Variants in LRRC4C observed in about 807,000 individuals in gnomAD.
The protein encoded by LRRC4C is leucine rich repeat containing 4C, also known as leucine-rich repeat-containing protein 4C.
Under a neutral mutation model 33.6 loss-of-function variants are expected in LRRC4C, and 5 were observed. The observed-to-expected ratio is 0.15, with a 90% CI of 0.08 to 0.31. The LOEUF (loss-of-function observed/expected upper bound fraction) is 0.31. LRRC4C is among the 10% of genes least tolerant of loss of function. The pLI is 1.00. For synonymous variants in LRRC4C, 329 were observed against 302.0 expected (o/e 1.09, Z -0.93); for missense variants, 560 against 796.7 (o/e 0.70, Z 3.58).
At chr11:40,961,098 G>A (rs1436052283) in intron 1 of LRRC4C, among the ~76,000 whole-genome samples, 1 of 151,622 alleles carries the variant, frequency 6.6e-6, no homozygotes, top group South Asian at 2.1e-4. Flanking sequence ...AAGATGGAAG[G>A]GTGGAAAGGT....
At chr11:41,208,600 C>T (rs184664408) in intron 1 of LRRC4C, among the ~76,000 whole-genome samples, 36 of 152,268 alleles carry the variant, frequency 2.4e-4, no homozygotes, top group Admixed American at 2.0e-3. Flanking sequence ...GGAGTAGAAA[C>T]AATGCAACAG....
At chr11:40,153,873 G>A (rs1217659283) in intron 5 of LRRC4C, among the ~76,000 whole-genome samples, 4 of 151,936 alleles carry the variant, frequency 2.6e-5, no homozygotes, top group South Asian at 2.1e-4. Context: ...AACATATTTG[G>A]GGAAAACTTC....
At chr11:41,085,928 C>CAAA (rs10717008) in intron 1 of LRRC4C, among the ~76,000 whole-genome samples, 622 of 79,604 alleles carry the variant, frequency 7.8e-3, no homozygotes, top group Middle Eastern at 0.018. Flanking sequence ...TTTAAGACAC[C>CAAA]AAAAAAAAAA....
intron 1 of LRRC4C, among the ~76,000 whole-genome samples, chr11:41,005,659 T>C (rs147157256): frequency 0.013 from 1,967 of 152,164 alleles, 19 homozygotes; most frequent in Non-Finnish European, 0.019. Context: ...CTCTCTGTCT[T>C]GCTCTCTCTC....
intron 2 of LRRC4C, among the ~76,000 whole-genome samples, chr11:40,696,829 G>GC (rs1322537584): frequency 6.9e-6 from 1 of 144,610 alleles, no homozygotes; most frequent in East Asian, 2.0e-4. Context: ...TTTGCAACAA[G>GC]CAGTCTAAGA....
chr11:40,934,007 G>T (rs1275062668), intron 1 of LRRC4C, among the ~76,000 whole-genome samples: 4 of 152,122 alleles, frequency 2.6e-5, no homozygotes, highest in Non-Finnish European at 4.4e-5. Flanking sequence ...GGACTGTTGA[G>T]TAAGATTTTT....
intron 1 of LRRC4C, among the ~76,000 whole-genome samples, chr11:40,949,222 T>C (rs1320412966): frequency 6.6e-6 from 1 of 152,186 alleles, no homozygotes; most frequent in Non-Finnish European, 1.5e-5. Flanking sequence ...GTTGTTTGTT[T>C]TTTTCTTGTA....
intron 3 of LRRC4C, among the ~76,000 whole-genome samples, chr11:40,366,550 G>A (rs773455541): frequency 1.5e-4 from 23 of 151,844 alleles, no homozygotes; most frequent in Non-Finnish European, 2.9e-5. Flanking sequence ...AAATAGAAAA[G>A]CCTTACATGA....
chr11:40,792,246 C>CA (rs1950654285), intron 2 of LRRC4C, among the ~76,000 whole-genome samples: 1 of 150,248 alleles, frequency 6.7e-6, no homozygotes, highest in African/African-American at 2.5e-5. Flanking sequence ...ATGACGCTTC[C>CA]AAGGAGTAAA....
At chr11:40,538,229 T>A (rs886241928) in intron 3 of LRRC4C, among the ~76,000 whole-genome samples, 7 of 152,056 alleles carry the variant, frequency 4.6e-5, no homozygotes, top group African/African-American at 7.2e-5. Context: ...CTCTGAGTAA[T>A]TCTTTAAGCA....
chr11:40,247,898 G>T (rs140967208), intron 4 of LRRC4C, among the ~76,000 whole-genome samples: 3 of 152,308 alleles, frequency 2.0e-5, no homozygotes, highest in African/African-American at 7.2e-5. Context: ...AGTCTGGAAA[G>T]CTTCCTCTCC....
rs148308760 is a variant in LRRC4C at position 40,678,325 on chromosome 11, C to G, written c.-406-30047G>C. The stretch of plus-strand genomic sequence containing the variant: ...TCCCCCATCTAATAGTCCCCAGTGT[C>G]CATTTAATCCATCTTCATTTCCATG... On this transcript the variant is annotated intron_variant, in intron 2 of 6. Transcript: ENST00000528697. Among the ~76,000 whole-genome samples, 538 of 152,094 alleles carry G rather than the reference C, an allele frequency of 3.5e-3. 5 individuals are homozygous for G. Among genetic ancestry groups the G allele is most frequent in the African/African-American group, 0.013 (520 of 41,492 alleles).
At chr11:40,587,715 C>G (rs2135707712) in intron 3 of LRRC4C, among the ~76,000 whole-genome samples, 1 of 152,098 alleles carries the variant, frequency 6.6e-6, no homozygotes, top group South Asian at 2.1e-4. Flanking sequence ...AAGGCCTTTT[C>G]TGCATCTATT....
chr11:41,113,260 T>G (rs16935354), intron 1 of LRRC4C, among the ~76,000 whole-genome samples: 2,086 of 152,148 alleles, frequency 0.014, 133 homozygotes, highest in Admixed American at 0.11. Context: ...GTCAATTGCA[T>G]GAGGGCACAG....
intron 1 of LRRC4C, among the ~76,000 whole-genome samples, chr11:40,950,122 A>G (rs1248251086): frequency 3.3e-5 from 5 of 152,104 alleles, no homozygotes; most frequent in Non-Finnish European, 7.4e-5. Flanking sequence ...AACTATAGTG[A>G]GGTGTCCAAG....
intron 1 of LRRC4C, among the ~76,000 whole-genome samples, chr11:41,260,365 G>A (rs965292939): frequency 6.6e-6 from 1 of 151,972 alleles, no homozygotes; most frequent in African/African-American, 2.4e-5. Context: ...AGAAAACCAA[G>A]GGTGGAATTC....
At chr11:41,182,550 GATAATAATAATCTATTTCATGAATT>G (rs953007164) in intron 1 of LRRC4C, among the ~76,000 whole-genome samples, 3 of 151,898 alleles carry the variant, frequency 2.0e-5, no homozygotes, top group African/African-American at 7.3e-5. Context: ...TTATATTATT[GATAATAATAATCTATTTCATGAATT>G]AAAAACACTA....
At chr11:40,239,512 G>A (rs1865790885) in intron 5 of LRRC4C, among the ~76,000 whole-genome samples, 1 of 152,146 alleles carries the variant, frequency 6.6e-6, no homozygotes, top group African/African-American at 2.4e-5. Context: ...ATATGTGAAG[G>A]AAAAAGATAG....
At chr11:41,304,783 C>T (rs1411145744) in intron 1 of LRRC4C, among the ~76,000 whole-genome samples, 48 of 65,706 alleles carry the variant, frequency 7.3e-4, no homozygotes, top group African/African-American at 2.5e-3. Context: ...GGGTCAGCCC[C>T]CCGCCCGGCC....
Sources: allele counts gnomAD v4.1 joint callset (sites outside exome capture counted in the v4.1 genomes callset), GRCh38; gene constraint gnomAD v4.1.1; transcripts MANE v1.5; gene names NCBI Gene and HGNC (gene_info 2026-07-23, HGNC 2026-07-21).